AGBL4: variants seen among roughly 807,000 people sequenced by gnomAD.
AGBL4 encodes cytosolic carboxypeptidase 6.
AGBL4 carries 58 observed loss-of-function variants against 66.4 expected under a neutral mutation model. That is an observed-to-expected ratio of 0.87 (90% CI 0.71 to 1.09). The LOEUF (loss-of-function observed/expected upper bound fraction) is 1.09. Ranked by LOEUF, AGBL4 falls within the 50% of genes least tolerant of loss-of-function variation. AGBL4 has a pLI of 0.00. For synonymous variants in AGBL4, 234 were observed against 222.9 expected, an observed-to-expected ratio of 1.05 and a Z score of -0.44; for missense variants, 579 against 631.0, an observed-to-expected ratio of 0.92 and a Z score of 0.88.
At chr1:49,128,841 C>A (rs1645821093) in intron 4 of AGBL4, among the ~76,000 whole-genome samples, 1 of 151,488 alleles carries the variant, frequency 6.6e-6, no homozygotes, top group Non-Finnish European at 1.5e-5. Flanking sequence ...AAAGCATAAA[C>A]CTTAAAAGAA....
At chr1:49,969,782 G>A (rs868458370) in intron 1 of AGBL4, among the ~76,000 whole-genome samples, 2 of 151,976 alleles carry the variant, frequency 1.3e-5, no homozygotes, top group African/African-American at 2.4e-5. Context: ...TAAGCTGCTC[G>A]CCTTGACTGT....
intron 3 of AGBL4, among the ~76,000 whole-genome samples, chr1:49,340,216 GAAAAA>G (rs35729306): frequency 3.1e-5 from 4 of 128,042 alleles, no homozygotes; most frequent in Middle Eastern, 4.2e-3. Flanking sequence ...ATTCTCTATG[GAAAAA>G]AAAAAAAAAA....
At chr1:49,073,266 C>G (rs1282024780) in intron 4 of AGBL4, among the ~76,000 whole-genome samples, 1 of 152,142 alleles carries the variant, frequency 6.6e-6, no homozygotes, top group Non-Finnish European at 1.5e-5. Context: ...CAAACTCATT[C>G]TTCGTACAGT....
chr1:49,913,547 C>T (rs1180817530), intron 1 of AGBL4, among the ~76,000 whole-genome samples: 2 of 152,236 alleles, frequency 1.3e-5, no homozygotes, highest in African/African-American at 4.8e-5. Flanking sequence ...ATGCCTGCAG[C>T]TCTCTCATGC....
intron 3 of AGBL4, among the ~76,000 whole-genome samples, chr1:49,430,706 A>G (rs938393055): frequency 4.0e-4 from 61 of 152,332 alleles, no homozygotes; most frequent in African/African-American, 1.4e-3. Context: ...TATTTTCATA[A>G]TCTGAACACA....
At chr1:49,489,071 T>C (rs919269605) in intron 3 of AGBL4, among the ~76,000 whole-genome samples, 3 of 151,914 alleles carry the variant, frequency 2.0e-5, no homozygotes, top group South Asian at 2.1e-4. Flanking sequence ...TGCTGGATCA[T>C]AAGGTAGCTC....
At chr1:48,601,738 G>A (rs1645076559) in intron 9 of AGBL4, among the ~76,000 whole-genome samples, 3 of 152,126 alleles carry the variant, frequency 2.0e-5, no homozygotes, top group Admixed American at 1.3e-4. Context: ...GGCTTATCAA[G>A]ATCTCACAAC....
chr1:49,936,390 G>A (rs956530277), intron 1 of AGBL4, among the ~76,000 whole-genome samples: 1 of 152,148 alleles, frequency 6.6e-6, no homozygotes, highest in African/African-American at 2.4e-5. Context: ...CGGGGAGAAT[G>A]GAACCAAGTT....
intron 4 of AGBL4, among the ~76,000 whole-genome samples, chr1:49,074,671 C>T (rs1197177803): frequency 7.9e-5 from 12 of 152,108 alleles, no homozygotes; most frequent in Admixed American, 7.9e-4. Flanking sequence ...TTCAGTAATA[C>T]ATTAACTTCA....
chr1:48,814,029 G>A (rs1367692510), intron 6 of AGBL4, among the ~76,000 whole-genome samples: 3 of 152,012 alleles, frequency 2.0e-5, no homozygotes, highest in African/African-American at 7.2e-5. Flanking sequence ...GGGAGAATTG[G>A]CTGAGATGAG....
intron 11 of AGBL4, among the ~76,000 whole-genome samples, chr1:48,563,540 TAAAC>T (rs747929152): frequency 1.3e-5 from 2 of 151,552 alleles, no homozygotes; most frequent in African/African-American, 2.4e-5. Flanking sequence ...TTAAAAGAGA[TAAAC>T]AGAGAGGAGG....
chr1:49,001,091 G>A (rs1286435768), intron 5 of AGBL4, among the ~76,000 whole-genome samples: 1 of 152,148 alleles, frequency 6.6e-6, no homozygotes, highest in South Asian at 2.1e-4. Flanking sequence ...GTACTGCTTA[G>A]GGATATTACT....
intron 6 of AGBL4, among the ~76,000 whole-genome samples, chr1:48,796,956 CA>C (rs1645689621): frequency 6.6e-6 from 1 of 152,160 alleles, no homozygotes; most frequent in Admixed American, 6.5e-5. Flanking sequence ...CACAGGAAAG[CA>C]GAACTTGAAT....
intron 3 of AGBL4, among the ~76,000 whole-genome samples, chr1:49,379,112 G>A (rs1438831815): frequency 6.6e-6 from 1 of 152,148 alleles, no homozygotes; most frequent in South Asian, 2.1e-4. Context: ...GCATCAGGGG[G>A]TCTAAACTCA....
intron 3 of AGBL4, among the ~76,000 whole-genome samples, chr1:49,540,527 C>A (rs1651928007): frequency 6.6e-6 from 1 of 152,124 alleles, no homozygotes; most frequent in African/African-American, 2.4e-5. Context: ...AATCCCAGAA[C>A]CTAGCCTATG....
intron 4 of AGBL4, among the ~76,000 whole-genome samples, chr1:49,123,480 G>C (rs781061479): frequency 6.6e-6 from 1 of 152,150 alleles, no homozygotes; most frequent in Admixed American, 6.6e-5. Context: ...ATATTCTAAA[G>C]TTTATCTTTG....
chr1:48,893,654 C>T (rs3121521), intron 5 of AGBL4, among the ~76,000 whole-genome samples: 53,911 of 151,380 alleles, frequency 0.36, 10,212 homozygotes, highest in East Asian at 0.71. Context: ...CACTGCACTC[C>T]AGCCTGGGCA....
At chr1:49,321,086 G>A (rs1274744323) in intron 3 of AGBL4, among the ~76,000 whole-genome samples, 1 of 152,064 alleles carries the variant, frequency 6.6e-6, no homozygotes, top group Non-Finnish European at 1.5e-5. Flanking sequence ...TGGGGACACA[G>A]CTAAACCATA....
intron 3 of AGBL4, among the ~76,000 whole-genome samples, chr1:49,302,384 C>G (rs1437056958): frequency 1.3e-5 from 2 of 151,616 alleles, no homozygotes; most frequent in African/African-American, 4.8e-5. Flanking sequence ...TCCCGAGTAG[C>G]TGGGACTACA....
Sources: gnomAD v4.1 joint callset for allele counts (sites outside exome capture counted in the v4.1 genomes callset) on GRCh38, gnomAD v4.1.1 for gene constraint, MANE v1.5 for transcripts, NCBI Gene and HGNC (gene_info 2026-07-23, HGNC 2026-07-21) for gene names.